GON4L: variants seen among roughly 807,000 people sequenced by gnomAD.
GON4L encodes the protein GON-4-like protein.
In GON4L, 87 loss-of-function variants were observed where a neutral mutation model predicts 211.8. The observed-to-expected ratio is 0.41, with a 90% confidence interval of 0.35 to 0.49. GON4L has a LOEUF of 0.49. Ranked by LOEUF, GON4L falls within the 20% of genes least tolerant of loss-of-function variation. The pLI is 0.15. For synonymous variants in GON4L, 875 were observed against 962.6 expected (o/e 0.91, Z 1.68); for missense variants, 2,155 against 2,659.5 (o/e 0.81, Z 4.17).
chr1:155,778,358 T>A (rs1664047878), intron 14 of GON4L, among the ~76,000 whole-genome samples: 1 of 152,162 alleles, frequency 6.6e-6, no homozygotes, highest in African/African-American at 2.4e-5. Flanking sequence ...TTCAAGCAAT[T>A]CTCCTGCCTC....
chr1:155,800,419 T>C lies in GON4L; in HGVS notation c.1645+4530A>G, dbSNP rs181912163. On this transcript the variant is annotated intron_variant, in intron 11 of 31. Transcript: ENST00000368331. ...CTAAAAATACAAAATTAGCCAGGCA[T>C]GGTGGCACATGCCTGTAAACCCAGC... 1.2e-3 allele frequency among the ~76,000 whole-genome samples: 181 copies of C among 148,596 alleles called. 1 individual carries two copies. The highest frequency in any genetic ancestry group is 4.3e-3 in the African/African-American group (174 of 40,158).
downstream of GON4L, chr1:155,748,103 C>T (rs1571595202): frequency 6.2e-7 from 1 of 1,607,926 alleles, no homozygotes; most frequent in Non-Finnish European, 8.5e-7. Context: ...AGCCACCTGT[C>T]AACTTCCCTT....
intron 2 of GON4L, among the ~76,000 whole-genome samples, chr1:155,849,632 G>A (rs1341165444): frequency 6.8e-6 from 1 of 147,356 alleles, no homozygotes; most frequent in African/African-American, 2.5e-5. Context: ...AAATTAGCCG[G>A]GTGTGGTGGT....
chr1:155,842,367 A>G lies in GON4L; in HGVS notation c.505+10909T>C, dbSNP rs1201632758. Among the ~76,000 whole-genome samples the G allele has an allele frequency of 2.6e-5, 4 of 151,404 alleles. No homozygotes were observed. In the South Asian group the frequency reaches 8.4e-4, roughly 32 times the overall value. Reference sequence around the variant, plus strand: ...GTGAAACCTCGTCTCTACTAAAAATACAAAAAATTAGCCGGGCATGGTGGC... The same window carrying G: ...GTGAAACCTCGTCTCTACTAAAAATGCAAAAAATTAGCCGGGCATGGTGGC... On this transcript the variant is annotated intron_variant, in intron 2 of 31. Transcript: ENST00000368331.
chr1:155,788,992 A>G (rs560583771), intron 12 of GON4L, among the ~76,000 whole-genome samples: 16 of 150,432 alleles, frequency 1.1e-4, no homozygotes, highest in Non-Finnish European at 1.6e-4. Context: ...CGGGAGTCTG[A>G]GGCAGGAGAA....
In GON4L at chr1:155,813,620, G is replaced by A; in HGVS notation, c.1452+14C>T. 6.3e-7 allele frequency: 1 copy of A among 1,596,510 alleles called. No individual in the cohort carries two copies. The highest frequency in any genetic ancestry group is 1.3e-5 in the African/African-American group (1 of 74,676). ...CACTTGACTTTCTCAGTTAAGTACA[G>A]TTTTAATATTTACCTGGAAAGAATC... is the stretch of plus-strand genomic sequence containing the variant. On this transcript the variant is annotated intron_variant, in intron 10 of 31. Transcript: ENST00000368331.
chr1:155,753,757 T>C (rs1660856172), intron 28 of GON4L, among the ~76,000 whole-genome samples: 1 of 152,024 alleles, frequency 6.6e-6, no homozygotes, highest in Admixed American at 6.5e-5. Context: ...GTGCAGTGGC[T>C]GTTTACACAG....
rs369520950 is a variant in GON4L, at chr1:155,777,178, G to A, written c.2091+444C>T. On this transcript the variant is annotated intron_variant, in intron 15 of 31. Coordinates refer to ENST00000368331, the MANE Select transcript of GON4L (RefSeq NM_001282860.2). ...TAAGGCATGAACATGATGACTTCTC[G>A]AGCTCCTAATGATGTGAAGATACTA... 8.3e-4 allele frequency among the ~76,000 whole-genome samples: 127 copies of A among 152,228 alleles called. 1 individual carries two copies. In the South Asian group the frequency reaches 0.021, roughly 26 times the overall value.
intron 2 of GON4L, among the ~76,000 whole-genome samples, chr1:155,827,996 T>C (rs78491719): frequency 0.027 from 4,153 of 151,920 alleles, 196 homozygotes; most frequent in African/African-American, 0.092. Context: ...TACAAAAATA[T>C]AGAGCTCTAA....
chr1:155,771,066 C>G lies in GON4L; in HGVS notation c.2646+1G>C, dbSNP rs1484709285. 3.1e-6 allele frequency: 5 copies of G among 1,614,058 alleles called. No individual in the cohort carries two copies. ...GGATGGCGCATGCAGGAAACACTCACTTTAATGATGTTGTCAGGAGCTCTG... is the reference window on the plus strand; with the variant it reads ...GGATGGCGCATGCAGGAAACACTCAGTTTAATGATGTTGTCAGGAGCTCTG... On this transcript the variant is annotated splice_donor_variant, in intron 19 of 31. Transcript: ENST00000368331. LOFTEE classifies it high-confidence loss of function.
Position 155,807,730 on chromosome 1 carries a change from A to AAAAAAAAC in GON4L, c.1453-2590_1453-2589insGTTTTTTT, listed in dbSNP as rs1395575383. On this transcript the variant is annotated intron_variant, in intron 10 of 31. Transcript: ENST00000368331. Reference sequence around the variant, plus strand: ...AAAAAAAAAAAAAAAAAAAAAGAAAATCAGAAAGTGTGAGACCTCCATCTT... The same window carrying AAAAAAAAC: ...AAAAAAAAAAAAAAAAAAAAAGAAAAAAAAAAACTCAGAAAGTGTGAGACCTCCATCTT... Among the ~76,000 whole-genome samples, 287 of 143,842 alleles carry AAAAAAAAC rather than the reference A, an allele frequency of 2.0e-3. 3 individuals are homozygous for AAAAAAAAC. Among genetic ancestry groups the AAAAAAAAC allele is most frequent in the Non-Finnish European group, 2.8e-3 (186 of 66,188 alleles). The allele number at this position is 143,842 out of a possible 152,430, so 94.4% of individuals were successfully genotyped here. A position where few individuals can be genotyped will look rare whatever the true frequency, so the allele number is the denominator to read the frequency against.
intron 1 of GON4L, among the ~76,000 whole-genome samples, chr1:155,855,098 A>T (rs1049001524): frequency 3.3e-5 from 5 of 152,012 alleles, no homozygotes; most frequent in Non-Finnish European, 7.4e-5. Context: ...CAAGGAAGAT[A>T]AGAGTCCTAC....
In GON4L at chr1:155,763,313, T is replaced by C; in HGVS notation, c.4725A>G (p.Pro1575=). The part of the protein sequence containing the change: ...APEVETSRTP[P]GESIKAAGKG... ...TCAGTATAGGTTTGCCTAGCTCACC[T>C]GGTGGAGTTCTGCTGGTCTCCACTT... Residue 1575 remains proline, a splice_region_variant and synonymous_variant, in exon 22 of 32, where the codon CCA becomes CCG. Coordinates refer to ENST00000368331, the MANE Select transcript of GON4L (RefSeq NM_001282860.2). 1.2e-6 allele frequency: 2 copies of C among 1,613,838 alleles called. No individual in the cohort carries two copies. Among genetic ancestry groups the C allele is most frequent in the Non-Finnish European group, 8.5e-7 (1 of 1,179,744 alleles).
intron 2 of GON4L, among the ~76,000 whole-genome samples, chr1:155,835,054 A>G (rs997147029): frequency 3.3e-5 from 5 of 152,196 alleles, no homozygotes; most frequent in African/African-American, 1.2e-4. Flanking sequence ...AGGTGGGGAA[A>G]AGATTGAGAA....
intron 12 of GON4L, among the ~76,000 whole-genome samples, chr1:155,788,357 G>A (rs747640181): frequency 2.0e-4 from 31 of 152,212 alleles, no homozygotes; most frequent in Non-Finnish European, 3.5e-4. Context: ...TGATAAGAAT[G>A]TAAAATGGAA....
intron 2 of GON4L, among the ~76,000 whole-genome samples, chr1:155,852,808 A>C (rs377447064): frequency 7.3e-4 from 111 of 151,562 alleles, no homozygotes; most frequent in African/African-American, 2.6e-3. Context: ...GAAAGTCTAT[A>C]TCCATTCATA....
In GON4L at chr1:155,799,032, C is replaced by A. The variant is rs1301802566; in HGVS notation, c.1646-3881G>T. Among the ~76,000 whole-genome samples, 4 of 152,126 alleles carry A rather than the reference C, an allele frequency of 2.6e-5. No individual in the cohort carries two copies. The South Asian group carries it at 8.3e-4, about 31-fold the overall frequency. The stretch of plus-strand genomic sequence containing the variant: ...TGTCAGTATTTACCCAGCTGATATA[C>A]CCCTCCTGTATTGTCTTTTAACTCA... On this transcript the variant is annotated intron_variant, in intron 11 of 31. Transcript: ENST00000368331.
chr1:155,769,110 G>A (rs949169289), intron 19 of GON4L, among the ~76,000 whole-genome samples: 4 of 151,848 alleles, frequency 2.6e-5, no homozygotes, highest in African/African-American at 9.7e-5. Context: ...CGAGTGGCTG[G>A]GATTACAGGT....
intron 10 of GON4L, among the ~76,000 whole-genome samples, chr1:155,805,985 GGTGT>G (rs1667089159): frequency 1.1e-5 from 1 of 87,386 alleles, no homozygotes; most frequent in Non-Finnish European, 2.3e-5. Flanking sequence ...CACCATGCCT[GGTGT>G]TTTTTTTTTT....
Sources: gnomAD v4.1 joint callset for allele counts (sites outside exome capture counted in the v4.1 genomes callset) on GRCh38, gnomAD v4.1.1 for gene constraint, MANE v1.5 for transcripts, NCBI Gene and HGNC (gene_info 2026-07-23, HGNC 2026-07-21) for gene names.